ENKUR: variants seen among roughly 807,000 people sequenced by gnomAD.
ENKUR encodes enkurin.
ENKUR carries 19 observed loss-of-function variants against 27.6 expected under a neutral mutation model. That is an observed-to-expected ratio of 0.69 (90% confidence interval 0.48 to 1.01). The LOEUF (loss-of-function observed/expected upper bound fraction) is 1.01. Ranked by LOEUF, ENKUR falls within the 50% of genes least tolerant of loss-of-function variation. The pLI is 0.00. For synonymous variants in ENKUR, 117 were observed against 96.9 expected (o/e 1.21, Z -1.22); for missense variants, 312 against 310.5 (o/e 1.00, Z -0.04).
intron 2 of ENKUR, among the ~76,000 whole-genome samples, chr10:25,050,336 G>A (rs184967337): frequency 9.9e-5 from 15 of 152,240 alleles, no homozygotes; most frequent in African/African-American, 3.4e-4. Context: ...CGTAAGACTG[G>A]GTAATTTGTA....
chr10:25,049,161 G>T (rs1851155243), intron 2 of ENKUR, among the ~76,000 whole-genome samples: 1 of 152,122 alleles, frequency 6.6e-6, no homozygotes. Context: ...TAAAGTTGTT[G>T]GGAGGGTTAA....
At chr10:24,991,444 C>T (rs957950612) in intron 3 of ENKUR, among the ~76,000 whole-genome samples, 13 of 151,358 alleles carry the variant, frequency 8.6e-5, no homozygotes, top group Admixed American at 3.9e-4. Context: ...AATGGCTGGA[C>T]GTCGAGAGGA....
chr10:25,002,977 C>T (rs2132702814), intron 1 of ENKUR, among the ~76,000 whole-genome samples: 1 of 151,654 alleles, frequency 6.6e-6, no homozygotes, highest in East Asian at 1.9e-4. Flanking sequence ...ACCCATGATT[C>T]AATATATTTT....
At chr10:24,999,044 G>A (rs1850128355) in intron 2 of ENKUR, among the ~76,000 whole-genome samples, 1 of 152,174 alleles carries the variant, frequency 6.6e-6, no homozygotes, top group Non-Finnish European at 1.5e-5. Flanking sequence ...AGGCCAGACA[G>A]GGTTTAGATG....
chr10:24,984,320 C>T lies in ENKUR; in HGVS notation c.*50G>A, dbSNP rs970476909. On this transcript the variant is annotated 3_prime_UTR_variant, in exon 6 of 6. Transcript: ENST00000331161. ...TAGAGTAGCAAGAAGGCACGTGTTA[C>T]TATTTCCAGTTCAAAATACTTAACA... 3.8e-6 allele frequency: 6 copies of T among 1,577,132 alleles called. No homozygotes were observed. Among genetic ancestry groups the T allele is most frequent in the African/African-American group, 1.4e-5 (1 of 72,410 alleles).
At chr10:25,045,715 A>G (rs189150281) in intron 2 of ENKUR, among the ~76,000 whole-genome samples, 1 of 152,332 alleles carries the variant, frequency 6.6e-6, no homozygotes, top group Admixed American at 6.5e-5. Flanking sequence ...GTTAAAAGCC[A>G]TGAAAAGTTA....
intron 4 of ENKUR, among the ~76,000 whole-genome samples, chr10:24,989,616 AAT>A (rs1193876315): frequency 6.6e-6 from 1 of 152,242 alleles, no homozygotes; most frequent in Admixed American, 6.5e-5. Context: ...TGCCTTTTAA[AAT>A]ATCCTCAGGG....
intron 2 of ENKUR, among the ~76,000 whole-genome samples, chr10:25,036,810 C>A (rs991336727): frequency 1.3e-5 from 2 of 152,226 alleles, no homozygotes; most frequent in Non-Finnish European, 2.9e-5. Context: ...CTGCAACATT[C>A]CTAATGACGT....
chr10:25,030,354 A>G (rs1850920981), intron 2 of ENKUR, among the ~76,000 whole-genome samples: 1 of 152,140 alleles, frequency 6.6e-6, no homozygotes, highest in South Asian at 2.1e-4. Flanking sequence ...CTAGATTAAT[A>G]TTTTGCTGTG....
intron 2 of ENKUR, among the ~76,000 whole-genome samples, chr10:25,054,481 C>CT (rs1399904474): frequency 8.9e-5 from 10 of 112,558 alleles, no homozygotes; most frequent in Non-Finnish European, 1.5e-4. Context: ...TTCTTTCTTT[C>CT]TTTCTTTCTT....
chr10:25,050,101 C>A (rs1421159550), intron 2 of ENKUR, among the ~76,000 whole-genome samples: 2 of 152,046 alleles, frequency 1.3e-5, no homozygotes, highest in Non-Finnish European at 2.9e-5. Flanking sequence ...TTTAGACAAC[C>A]AGATCTGGTG....
At chr10:25,013,369 T>G (rs1175518306) in intron 1 of ENKUR, among the ~76,000 whole-genome samples, 1 of 152,198 alleles carries the variant, frequency 6.6e-6, no homozygotes, top group Non-Finnish European at 1.5e-5. Flanking sequence ...TCTCCATAGA[T>G]TAATGAGTTG....
chr10:25,016,470 G>T (rs1850577222), upstream of ENKUR, among the ~76,000 whole-genome samples: 1 of 152,230 alleles, frequency 6.6e-6, no homozygotes. Flanking sequence ...GGCGGAGCGA[G>T]CGGCTGAGAC....
chr10:24,995,584 C>T, intron 3 of ENKUR, 62 bp downstream of exon 3: 1 of 1,391,516 alleles, frequency 7.2e-7, no homozygotes, highest in South Asian at 1.3e-5. Flanking sequence ...AGATGATCAT[C>T]ATGAACACCA....
In ENKUR at chr10:24,983,238, C is replaced by A. The variant is rs1849707898; in HGVS notation, c.*1132G>T. ...ATTTGGAGTTAGTTTGTTAAAGCAA[C>A]TTAAGTTGCTTACTTAGCGATGCAA... On this transcript the variant is annotated 3_prime_UTR_variant, in exon 6 of 6. Coordinates refer to ENST00000331161, the MANE Select transcript of ENKUR (RefSeq NM_145010.4). The A allele has an allele frequency of 6.6e-6, 1 of 152,122 alleles. No individual in the cohort carries two copies. The highest frequency in any genetic ancestry group is 6.5e-5 in the Admixed American group (1 of 15,270). The allele number at this position is 152,122 out of a possible 1,614,324, so 9.4% of individuals were successfully genotyped here.
At chr10:25,025,244 CTATCATGCAGGCTT>C in intron 2 of ENKUR, 1 of 1,614,204 alleles carries the variant, frequency 6.2e-7, no homozygotes. Flanking sequence ...TTTGCACCTG[CTATCATGCAGGCTT>C]TAAAGATTAA....
rs74122941 is a variant in ENKUR at position 25,061,689 on chromosome 10, A to G, written c.-221-320T>C. Among the ~76,000 whole-genome samples, 1,099 of 152,144 alleles carry G rather than the reference A, an allele frequency of 7.2e-3. 11 individuals are homozygous for G. The highest frequency in any genetic ancestry group is 0.025 in the African/African-American group (1,021 of 41,500). ...CCCTTTCTTCATCTCTCTCCAACCT[A>G]CAAGCTGCCCTTCTCCACCTGACAT... On this transcript the variant is annotated intron_variant, in intron 1 of 5. Transcript: ENST00000615958.
At chr10:25,038,585 C>A (rs1426008871) in intron 2 of ENKUR, among the ~76,000 whole-genome samples, 9 of 152,098 alleles carry the variant, frequency 5.9e-5, no homozygotes, top group Non-Finnish European at 8.8e-5. Context: ...TCATATTATT[C>A]TTATGAGTGC....
At chr10:25,037,368 T>C (rs931008519) in intron 2 of ENKUR, among the ~76,000 whole-genome samples, 1 of 152,098 alleles carries the variant, frequency 6.6e-6, no homozygotes, top group Admixed American at 6.5e-5. Flanking sequence ...AAAAGTAGCT[T>C]TATAGGATTT....
Sources: gnomAD v4.1 joint callset for allele counts (sites outside exome capture counted in the v4.1 genomes callset) on GRCh38, gnomAD v4.1.1 for gene constraint, MANE v1.5 for transcripts, NCBI Gene and HGNC (gene_info 2026-07-23, HGNC 2026-07-21) for gene names.